ZC3H12B: variants seen among roughly 807,000 people sequenced by gnomAD.
ZC3H12B encodes the protein probable ribonuclease ZC3H12B.
A neutral mutation model predicts 43.9 loss-of-function variants in ZC3H12B; 7 were observed. The ratio of observed to expected loss-of-function variants is 0.16; its 90% CI spans 0.09 to 0.30. The LOEUF (loss-of-function observed/expected upper bound fraction) is 0.30, where lower values mean the gene tolerates loss of function less well. Ranked by LOEUF, ZC3H12B falls within the 10% of genes least tolerant of loss-of-function variation. ZC3H12B has a pLI of 1.00. For missense variants in ZC3H12B, 475 were observed against 670.2 expected, an observed-to-expected ratio of 0.71 and a Z score of 3.22; for synonymous variants, 222 against 241.7, an observed-to-expected ratio of 0.92 and a Z score of 0.76.
intron 2 of ZC3H12B, among the ~76,000 whole-genome samples, chrX:65,374,603 T>C (rs1168266303): frequency 1.8e-5 from 2 of 110,373 alleles, no homozygotes; most frequent in Admixed American, 2.0e-4. Context: ...TGAGCACTCA[T>C]AGTATTTGGT....
intron 3 of ZC3H12B, among the ~76,000 whole-genome samples, chrX:65,444,440 G>A (rs2067348443): frequency 9.0e-6 from 1 of 111,679 alleles, no homozygotes; most frequent in South Asian, 3.7e-4. Flanking sequence ...TTAAAAACGG[G>A]CATTTCCCTG....
At chrX:65,497,896 T>C (rs2068312688) in intron 2 of ZC3H12B, among the ~76,000 whole-genome samples, 1 of 111,688 alleles carries the variant, frequency 9.0e-6, no homozygotes, top group Non-Finnish European at 1.9e-5. Context: ...AACGAAATTT[T>C]TAATATTTAA....
At chrX:65,257,454 G>A in the ZC3H12B span, among the ~76,000 whole-genome samples, 1 of 110,507 alleles carries the variant, frequency 9.0e-6, no homozygotes, top group East Asian at 2.8e-4. Flanking sequence ...GGCCTGTGGG[G>A]GGTGGGGACC....
At chrX:65,191,720 T>C in the ZC3H12B span, among the ~76,000 whole-genome samples, 1 of 108,801 alleles carries the variant, frequency 9.2e-6, no homozygotes, top group East Asian at 2.9e-4. Context: ...GCTAGCGGTC[T>C]ATCAATTTTG....
chrX:65,161,907 G>C, the ZC3H12B span, among the ~76,000 whole-genome samples: 1 of 111,813 alleles, frequency 8.9e-6, no homozygotes, highest in Non-Finnish European at 1.9e-5. Context: ...GCTGGTACTG[G>C]TTGTTCCTTT....
the ZC3H12B span, chrX:65,186,554 A>G: frequency 9.4e-6 from 1 of 105,970 alleles, no homozygotes; most frequent in Non-Finnish European, 1.9e-5. Flanking sequence ...TAATTTCAAT[A>G]CGTTTTTGTG....
chrX:65,299,856 C>T, the ZC3H12B span, among the ~76,000 whole-genome samples: 1 of 112,456 alleles, frequency 8.9e-6, no homozygotes, highest in East Asian at 2.8e-4. Context: ...AGAGGGGGAA[C>T]GTCTACTCCC....
the ZC3H12B span, among the ~76,000 whole-genome samples, chrX:65,214,595 C>T: frequency 9.0e-6 from 1 of 111,632 alleles, no homozygotes; most frequent in Non-Finnish European, 1.9e-5. Context: ...TTCCAGTTCT[C>T]TTGCTATTTC....
At chrX:65,472,838 A>G (rs1282525177) in intron 3 of ZC3H12B, among the ~76,000 whole-genome samples, 17 of 88,758 alleles carry the variant, frequency 1.9e-4, no homozygotes, top group Non-Finnish European at 3.4e-4. Flanking sequence ...ATATATATAT[A>G]TATATATATA....
intron 3 of ZC3H12B, among the ~76,000 whole-genome samples, chrX:65,410,008 T>C (rs905875082): frequency 9.2e-6 from 1 of 108,501 alleles, no homozygotes; most frequent in African/African-American, 3.3e-5. Flanking sequence ...GCCAAAGTTA[T>C]CCTATGCAAT....
the ZC3H12B span, among the ~76,000 whole-genome samples, chrX:65,111,965 A>G: frequency 8.9e-6 from 1 of 112,033 alleles, no homozygotes; most frequent in Non-Finnish European, 1.9e-5. Flanking sequence ...AGAAATGATT[A>G]CACTTAGTGA....
chrX:65,179,967 C>T, the ZC3H12B span, among the ~76,000 whole-genome samples: 1 of 111,647 alleles, frequency 9.0e-6, no homozygotes, highest in Non-Finnish European at 1.9e-5. Flanking sequence ...CTATTTTAAA[C>T]AATAGAAAAA....
At chrX:65,061,001 A>G in the ZC3H12B span, among the ~76,000 whole-genome samples, 2 of 111,501 alleles carry the variant, frequency 1.8e-5, no homozygotes, top group Non-Finnish European at 3.8e-5. Context: ...GGTAGGTTGT[A>G]TATATCTAGG....
the ZC3H12B span, among the ~76,000 whole-genome samples, chrX:65,347,036 C>T: frequency 2.7e-5 from 3 of 112,182 alleles, no homozygotes; most frequent in Non-Finnish European, 5.6e-5. Context: ...GGCCGACAGA[C>T]ACATCGTACA....
intron 3 of ZC3H12B, among the ~76,000 whole-genome samples, chrX:65,444,051 T>C (rs1156679345): frequency 1.8e-5 from 2 of 112,438 alleles, no homozygotes; most frequent in African/African-American, 6.5e-5. Flanking sequence ...TTTCGTTATT[T>C]GTTTTCTGCT....
the ZC3H12B span, among the ~76,000 whole-genome samples, chrX:65,286,070 C>G: frequency 9.0e-6 from 1 of 111,067 alleles, no homozygotes; most frequent in South Asian, 3.8e-4. Flanking sequence ...TGATATATAC[C>G]CAAAGAAAAA....
the ZC3H12B span, among the ~76,000 whole-genome samples, chrX:65,095,791 A>G: frequency 9.0e-6 from 1 of 110,969 alleles, no homozygotes; most frequent in Non-Finnish European, 1.9e-5. Context: ...ATCCTGTTTC[A>G]CCTAAGGGGA....
At chrX:65,378,219 AG>A (rs2066376248) in intron 2 of ZC3H12B, among the ~76,000 whole-genome samples, 1 of 112,314 alleles carries the variant, frequency 8.9e-6, no homozygotes, top group African/African-American at 3.2e-5. Context: ...TTAAATAGAA[AG>A]ACTTAAAGAT....
At chrX:65,068,195 G>A in the ZC3H12B span, among the ~76,000 whole-genome samples, 1 of 103,652 alleles carries the variant, frequency 9.6e-6, no homozygotes, top group African/African-American at 3.6e-5. Context: ...CATTCAGCTA[G>A]GTTATTTTCA....
Sources: allele counts gnomAD v4.1 joint callset (sites outside exome capture counted in the v4.1 genomes callset), GRCh38; gene constraint gnomAD v4.1.1; transcripts MANE v1.5; gene names NCBI Gene and HGNC (gene_info 2026-07-23, HGNC 2026-07-21).